Variants in NAALADL2 observed in about 807,000 individuals in gnomAD.
NAALADL2 encodes N-acetylated alpha-linked acidic dipeptidase like 2.
NAALADL2 carries 76 observed loss-of-function variants against 87.2 expected under a neutral mutation model. That is an observed-to-expected ratio of 0.87 (90% CI 0.72 to 1.05). The LOEUF (loss-of-function observed/expected upper bound fraction) is 1.05, where lower values mean the gene tolerates loss of function less well. NAALADL2 is among the 50% of genes least tolerant of loss of function. NAALADL2 has a pLI of 0.00. For synonymous variants in NAALADL2, 354 were observed against 331.0 expected (o/e 1.07, Z -0.75); for missense variants, 1,089 against 945.8 (o/e 1.15, Z -1.99).
intron 1 of NAALADL2, among the ~76,000 whole-genome samples, chr3:174,989,604 T>C (rs980527808): frequency 6.6e-6 from 1 of 152,096 alleles, no homozygotes; most frequent in African/African-American, 2.4e-5. Context: ...CTCTTAAAAA[T>C]ATTAAACTGC....
At chr3:175,437,027 A>G (rs1718792526) in intron 5 of NAALADL2, among the ~76,000 whole-genome samples, 1 of 128,844 alleles carries the variant, frequency 7.8e-6, no homozygotes, top group South Asian at 2.8e-4. Context: ...TGATTTTTGT[A>G]TAAGGTGTAA....
chr3:175,359,930 G>GC (rs1211197966), intron 5 of NAALADL2, among the ~76,000 whole-genome samples: 2 of 152,072 alleles, frequency 1.3e-5, no homozygotes, highest in Non-Finnish European at 2.9e-5. Context: ...CCTAAAAGGG[G>GC]CCACTTTAAG....
chr3:175,143,247 A>G (rs1025994212), intron 2 of NAALADL2, among the ~76,000 whole-genome samples: 14 of 151,932 alleles, frequency 9.2e-5, no homozygotes, highest in African/African-American at 3.4e-4. Flanking sequence ...GTTCGTTCGC[A>G]ATATATTTCC....
chr3:174,606,325 A>G (rs1719056920), intron 2 of NAALADL2, among the ~76,000 whole-genome samples: 1 of 152,240 alleles, frequency 6.6e-6, no homozygotes, highest in South Asian at 2.1e-4. Flanking sequence ...ACGGAGAATG[A>G]CTTTGACGAG....
chr3:175,091,309 A>C (rs1720081199), intron 1 of NAALADL2, among the ~76,000 whole-genome samples: 1 of 152,114 alleles, frequency 6.6e-6, no homozygotes, highest in Non-Finnish European at 1.5e-5. Flanking sequence ...ATTTCTAAGA[A>C]ATGCCTTTGC....
chr3:174,684,803 A>G (rs1285726125), intron 2 of NAALADL2, among the ~76,000 whole-genome samples: 1 of 152,136 alleles, frequency 6.6e-6, no homozygotes, highest in Non-Finnish European at 1.5e-5. Flanking sequence ...TCCCTACAGT[A>G]TTAAGGAGCC....
At chr3:175,694,045 G>A (rs1052615957) in intron 11 of NAALADL2, among the ~76,000 whole-genome samples, 1 of 152,052 alleles carries the variant, frequency 6.6e-6, no homozygotes, top group African/African-American at 2.4e-5. Flanking sequence ...GTTTCTCACA[G>A]ATTTTTAAAA....
chr3:174,851,232 G>T (rs1725207623), intron 3 of NAALADL2, among the ~76,000 whole-genome samples: 1 of 151,794 alleles, frequency 6.6e-6, no homozygotes, highest in Admixed American at 6.6e-5. Flanking sequence ...CTCAATCTTA[G>T]TAGAAGAAAA....
chr3:174,900,571 A>G (rs1560341634), intron 1 of NAALADL2, among the ~76,000 whole-genome samples: 1 of 151,988 alleles, frequency 6.6e-6, no homozygotes. Context: ...TAACCTAACA[A>G]AAAATTCTAA....
intron 11 of NAALADL2, among the ~76,000 whole-genome samples, chr3:175,728,888 C>T (rs775453769): frequency 1.2e-4 from 19 of 152,090 alleles, no homozygotes; most frequent in African/African-American, 3.1e-4. Context: ...TCAGTCACAC[C>T]GGTTTCTTGT....
At chr3:175,049,999 C>T (rs998184335) in intron 1 of NAALADL2, among the ~76,000 whole-genome samples, 3 of 152,080 alleles carry the variant, frequency 2.0e-5, no homozygotes, top group South Asian at 2.1e-4. Context: ...TCCATGTCTG[C>T]GTGGGTTTTC....
At chr3:174,579,277 A>T (rs958966708) in intron 2 of NAALADL2, among the ~76,000 whole-genome samples, 1 of 152,042 alleles carries the variant, frequency 6.6e-6, no homozygotes, top group Non-Finnish European at 1.5e-5. Flanking sequence ...TAGCAGCTTT[A>T]CCAATAATGG....
chr3:175,010,753 A>G (rs1391652014), intron 1 of NAALADL2, among the ~76,000 whole-genome samples: 1 of 152,112 alleles, frequency 6.6e-6, no homozygotes, highest in Non-Finnish European at 1.5e-5. Context: ...TGAGCTGTCT[A>G]TTCTAGCCTT....
intron 9 of NAALADL2, among the ~76,000 whole-genome samples, chr3:175,484,186 G>A (rs1726916007): frequency 6.6e-6 from 1 of 151,806 alleles, no homozygotes. Flanking sequence ...TATCTGTTAG[G>A]AAAACACATT....
intron 1 of NAALADL2, among the ~76,000 whole-genome samples, chr3:175,082,114 T>G (rs1717981755): frequency 6.6e-6 from 1 of 152,150 alleles, no homozygotes; most frequent in Non-Finnish European, 1.5e-5. Flanking sequence ...AGGCATCAAT[T>G]TCTGGCCTAA....
intron 2 of NAALADL2, among the ~76,000 whole-genome samples, chr3:174,716,494 G>A (rs1731203582): frequency 6.6e-6 from 1 of 150,910 alleles, no homozygotes; most frequent in South Asian, 2.1e-4. Flanking sequence ...TCTCATTTTT[G>A]TTACATTTCT....
Position 175,752,132 on chromosome 3 carries a change from T to C in NAALADL2, c.1991-3088T>C, listed in dbSNP as rs187135841. 3.4e-3 allele frequency among the ~76,000 whole-genome samples: 520 copies of C among 152,214 alleles called. 2 individuals are homozygous for C. The highest frequency in any genetic ancestry group is 0.021 in the South Asian group (102 of 4,834). ...CTCAACAAATTTATTAATAAATGAC[T>C]ACCATAAAACAGATATTATGCTACG... is the stretch of plus-strand genomic sequence containing the variant. On this transcript the variant is annotated intron_variant, in intron 12 of 13. Transcript: ENST00000454872.
At chr3:174,844,209 G>C (rs923094124) in intron 3 of NAALADL2, among the ~76,000 whole-genome samples, 6 of 152,094 alleles carry the variant, frequency 3.9e-5, no homozygotes, top group Non-Finnish European at 8.8e-5. Flanking sequence ...TGGGAAGAAG[G>C]GTTTTTGTCA....
At chr3:175,684,182 A>G (rs983931585) in intron 11 of NAALADL2, among the ~76,000 whole-genome samples, 1 of 152,116 alleles carries the variant, frequency 6.6e-6, no homozygotes, top group Non-Finnish European at 1.5e-5. Flanking sequence ...TACAATAACA[A>G]CAGCAGCAAC....
Sources: allele counts gnomAD v4.1 joint callset (sites outside exome capture counted in the v4.1 genomes callset), GRCh38; gene constraint gnomAD v4.1.1; transcripts MANE v1.5; gene names NCBI Gene and HGNC (gene_info 2026-07-23, HGNC 2026-07-21).